The following EVL variants were observed in gnomAD, a reference collection of about 807,000 sequenced individuals.
EVL encodes the protein ena/VASP-like protein.
A neutral mutation model predicts 59.6 loss-of-function variants in EVL; 21 were observed. The observed-to-expected ratio is 0.35, with a 90% CI of 0.25 to 0.51. The LOEUF (loss-of-function observed/expected upper bound fraction) is 0.51, where lower values mean the gene tolerates loss of function less well. EVL is among the 20% of genes least tolerant of loss of function. The pLI is 0.97. For missense variants in EVL, 462 were observed against 546.6 expected (o/e 0.85, Z 1.54); for synonymous variants, 198 against 203.5 (o/e 0.97, Z 0.23).
chr14:100,079,692 T>C (rs1482130442), intron 1 of EVL, among the ~76,000 whole-genome samples: 3 of 152,172 alleles, frequency 2.0e-5, no homozygotes, highest in African/African-American at 7.2e-5. Context: ...GAATTTACAC[T>C]CTGTCCTTCA....
chr14:100,025,424 C>T (rs556763775), intron 1 of EVL, among the ~76,000 whole-genome samples: 1 of 152,262 alleles, frequency 6.6e-6, no homozygotes, highest in African/African-American at 2.4e-5. Flanking sequence ...TGGCTTATGC[C>T]CTGGTCTCTT....
chr14:100,070,147 A>G (rs1316576968), intron 1 of EVL, among the ~76,000 whole-genome samples: 1 of 152,170 alleles, frequency 6.6e-6, no homozygotes, highest in East Asian at 1.9e-4. Flanking sequence ...TGAAGCCTAT[A>G]GTCCCAACTT....
At position 100,137,482 on chromosome 14, in the gene EVL, A is replaced by T. The variant is rs180718447; in HGVS notation, c.965-96A>T. ...TGCCACGGGGCTCTGCACCCTTGGC[A>T]TGGGTGAGGGCTTCCTGTTGGGGTG... On this transcript the variant is annotated intron_variant, in intron 9 of 13. Transcript: ENST00000392920. The T allele has an allele frequency of 6.7e-6, 9 of 1,336,650 alleles. No individual in the cohort carries two copies. In the Admixed American group the frequency reaches 1.5e-4, roughly 23 times the overall value. 82.8% of individuals were successfully genotyped at this position (1,336,650 alleles called of 1,614,324 possible). A position where few individuals can be genotyped will look rare whatever the true frequency, so the allele number is the denominator to read the frequency against.
chr14:100,077,505 G>A (rs1320508943), intron 1 of EVL, among the ~76,000 whole-genome samples: 1 of 152,220 alleles, frequency 6.6e-6, no homozygotes, highest in Non-Finnish European at 1.5e-5. Context: ...GAAAGGACAG[G>A]ACTGGAGAGC....
intron 1 of EVL, among the ~76,000 whole-genome samples, chr14:100,036,182 T>C (rs1185714752): frequency 1.3e-5 from 2 of 152,154 alleles, no homozygotes; most frequent in Non-Finnish European, 2.9e-5. Flanking sequence ...GCTCTTCTTA[T>C]GAGAATCAAA....
chr14:100,086,035 A>G (rs914320242), intron 2 of EVL, among the ~76,000 whole-genome samples: 4 of 152,188 alleles, frequency 2.6e-5, no homozygotes, highest in Non-Finnish European at 5.9e-5. Context: ...AGGCTGAGGC[A>G]GGAGAATGGC....
chr14:100,057,215 G>A (rs1280724399), intron 1 of EVL, among the ~76,000 whole-genome samples: 1 of 152,150 alleles, frequency 6.6e-6, no homozygotes, highest in Non-Finnish European at 1.5e-5. Context: ...GTCCAGTGGT[G>A]GGATTTTTAC....
intron 1 of EVL, among the ~76,000 whole-genome samples, chr14:100,071,768 G>A (rs112013638): frequency 2.8e-4 from 42 of 152,216 alleles, no homozygotes; most frequent in African/African-American, 1.0e-3. Context: ...AGGGGCTCTG[G>A]GTCTGGGAGG....
In EVL at chr14:100,138,051, G is replaced by T. The variant is rs186100714; in HGVS notation, c.1094+249G>T. The T allele has an allele frequency of 3.6e-5, 21 of 584,462 alleles. No homozygotes were observed. In the East Asian group the frequency reaches 5.4e-4, roughly 15 times the overall value. 36.2% of individuals were successfully genotyped at this position (584,462 alleles called of 1,614,324 possible). On this transcript the variant is annotated intron_variant, in intron 11 of 13. Coordinates refer to ENST00000392920, the MANE Select transcript of EVL (RefSeq NM_016337.3). Reference sequence around the variant, plus strand: ...TGTCCACAGAGGTAGTGCAGGGGGGGGCCAACATGGAGTCCCAGCTCTGGA... The same window carrying T: ...TGTCCACAGAGGTAGTGCAGGGGGGTGCCAACATGGAGTCCCAGCTCTGGA...
chr14:100,049,616 G>A lies in EVL; in HGVS notation c.6-35071G>A, dbSNP rs114066924. Among the ~76,000 whole-genome samples the A allele has an allele frequency of 6.7e-3, 1,024 of 152,158 alleles. 8 individuals are homozygous for A. Among genetic ancestry groups the A allele is most frequent in the African/African-American group, 0.023 (965 of 41,498 alleles). The stretch of plus-strand genomic sequence containing the variant: ...TTTATATTTTCAGTCTGCATTTGGG[G>A]CATTTTTAAACAATATCTTTATTGA... On this transcript the variant is annotated intron_variant, in intron 1 of 13. Transcript: ENST00000402714.
chr14:100,049,730 C>G lies in EVL; in HGVS notation c.6-34957C>G, dbSNP rs145424591. The stretch of plus-strand genomic sequence containing the variant: ...ATTCACTGAGTTTTGCAACCATCAC[C>G]ACAATTAATTTTAGAACATTTTTAT... On this transcript the variant is annotated intron_variant, in intron 1 of 13. Transcript: ENST00000402714. 9.8e-3 allele frequency among the ~76,000 whole-genome samples: 1,492 copies of G among 152,210 alleles called. 11 individuals carry two copies. The highest frequency in any genetic ancestry group is 0.014 in the Non-Finnish European group (954 of 68,010).
At chr14:100,070,657 A>G (rs1018723320) in intron 1 of EVL, among the ~76,000 whole-genome samples, 5 of 152,232 alleles carry the variant, frequency 3.3e-5, no homozygotes, top group Non-Finnish European at 7.3e-5. Context: ...ACAGAGTCCA[A>G]GTGGCTACTT....
Position 100,127,217 on chromosome 14 carries a change from G to A in EVL, c.487+446G>A, listed in dbSNP as rs886212187. ...GTCAGGAAGACTTCCCACAGGAGGC[G>A]CTGCCACGCGTCTGTCTTGGACGTT... On this transcript the variant is annotated intron_variant, in intron 5 of 13. Coordinates refer to ENST00000392920, the MANE Select transcript of EVL (RefSeq NM_016337.3). The surrounding 1 kb of genome is among the most constrained non-coding windows in gnomAD (Gnocchi z 4.2). 1.3e-5 allele frequency among the ~76,000 whole-genome samples: 2 copies of A among 152,232 alleles called. No homozygotes were observed. The highest frequency in any genetic ancestry group is 1.9e-4 in the East Asian group (1 of 5,188).
At chr14:100,047,133 T>TTTTTTTTTTTTTTC in intron 1 of EVL, among the ~76,000 whole-genome samples, 1 of 142,762 alleles carries the variant, frequency 7.0e-6, no homozygotes, top group Non-Finnish European at 1.5e-5. Flanking sequence ...TTTTTTTTTT[T>TTTTTTTTTTTTTTC]TTTTTTTTTT....
chr14:100,030,332 C>A (rs1020214114), intron 1 of EVL, among the ~76,000 whole-genome samples: 1 of 151,908 alleles, frequency 6.6e-6, no homozygotes, highest in Non-Finnish European at 1.5e-5. Context: ...AAACTCCCGA[C>A]CTCAGGTGAT....
chr14:100,029,582 G>A (rs1034806973), intron 1 of EVL, among the ~76,000 whole-genome samples: 4 of 152,168 alleles, frequency 2.6e-5, no homozygotes, highest in Non-Finnish European at 4.4e-5. Flanking sequence ...ATTCCATAGG[G>A]ATACAGATAA....
intron 1 of EVL, among the ~76,000 whole-genome samples, chr14:100,082,880 C>A (rs1045775758): frequency 1.2e-4 from 19 of 152,224 alleles, no homozygotes; most frequent in Admixed American, 3.9e-4. Flanking sequence ...CAGGAATGGG[C>A]TGGCACTGGT....
At position 100,135,801 on chromosome 14, in the gene EVL, C is replaced by T. The variant is rs184512435; in HGVS notation, c.901-104C>T. The T allele has an allele frequency of 6.5e-3, 6,483 of 990,822 alleles. 35 individuals are homozygous for T. The highest frequency in any genetic ancestry group is 8.0e-3 in the South Asian group (599 of 74,694). The allele number at this position is 990,822 out of a possible 1,614,324, so 61.4% of individuals were successfully genotyped here. A position where few individuals can be genotyped will look rare whatever the true frequency, so the allele number is the denominator to read the frequency against. On this transcript the variant is annotated intron_variant, in intron 8 of 13. Coordinates refer to ENST00000392920, the MANE Select transcript of EVL (RefSeq NM_016337.3). ...GCTAATTATAAAAGTCATATGTGTT[C>T]ATTGGGAACATTTGGAAAACTGAGG...
intron 3 of EVL, among the ~76,000 whole-genome samples, chr14:100,119,105 C>G (rs976753311): frequency 1.3e-5 from 2 of 152,266 alleles, no homozygotes; most frequent in Admixed American, 1.3e-4. Context: ...CCACATGACA[C>G]CATGAATGCC....
Sources: gnomAD v4.1 joint callset for allele counts (sites outside exome capture counted in the v4.1 genomes callset) on GRCh38, gnomAD v4.1.1 for gene constraint, Gnocchi (gnomAD v3.1) non-coding constraint, MANE v1.5 for transcripts, NCBI Gene and HGNC (gene_info 2026-07-23, HGNC 2026-07-21) for gene names.